Variants in GLYATL2 observed in about 807,000 individuals in gnomAD.
GLYATL2 encodes the protein glycine-N-acyltransferase like 2.
In GLYATL2, 25 loss-of-function variants were observed where a neutral mutation model predicts 21.4. The observed-to-expected ratio is 1.17, with a 90% CI of 0.85 to 1.63. GLYATL2 has a LOEUF of 1.63. Ranked by LOEUF, GLYATL2 falls within the 40% of genes most tolerant of loss-of-function variation. The pLI is 0.00. For missense variants in GLYATL2, 361 were observed against 343.3 expected, an observed-to-expected ratio of 1.05 and a Z score of -0.41; for synonymous variants, 114 against 118.2, an observed-to-expected ratio of 0.96 and a Z score of 0.23.
upstream of GLYATL2, among the ~76,000 whole-genome samples, chr11:58,848,369 C>G (rs1853680530): frequency 6.6e-6 from 1 of 152,042 alleles, no homozygotes; most frequent in Admixed American, 6.6e-5. Context: ...ACACCTGGGA[C>G]CAATCCTGGA....
chr11:58,908,493 C>T, upstream of GLYATL2: 1 of 210,588 alleles, frequency 4.7e-6, no homozygotes. Flanking sequence ...CTGAAGGGAA[C>T]AAGTCATTTA....
chr11:58,847,662 A>G (rs550569719), upstream of GLYATL2, among the ~76,000 whole-genome samples: 8 of 152,326 alleles, frequency 5.3e-5, no homozygotes, highest in South Asian at 1.7e-3. Flanking sequence ...CCTCAGCTCA[A>G]CTGCAATATA....
upstream of GLYATL2, among the ~76,000 whole-genome samples, chr11:58,845,747 A>T (rs2134582068): frequency 6.6e-6 from 1 of 152,340 alleles, no homozygotes; most frequent in East Asian, 1.9e-4. Flanking sequence ...CCCAGGTCAC[A>T]AAACTAACCA....
chr11:58,895,940 G>A (rs1482331636), intron 1 of GLYATL2, among the ~76,000 whole-genome samples: 1 of 151,176 alleles, frequency 6.6e-6, no homozygotes, highest in Non-Finnish European at 1.5e-5. Context: ...TGCAGACTCT[G>A]CCTCCCAGGT....
At chr11:58,896,332 A>T (rs1218785681) in intron 1 of GLYATL2, among the ~76,000 whole-genome samples, 1 of 152,142 alleles carries the variant, frequency 6.6e-6, no homozygotes, top group Non-Finnish European at 1.5e-5. Flanking sequence ...TGCCTCCTCA[A>T]GCTCATCTAT....
upstream of GLYATL2, chr11:58,905,755 TGGGC>T: frequency 1.2e-4 from 1 of 8,358 alleles, no homozygotes; most frequent in Admixed American, 1.3e-3. Flanking sequence ...GGTGGGCGGG[TGGGC>T]GCGCAGTCCC....
rs371449712 is a variant in GLYATL2 at position 58,839,617 on chromosome 11, T to C, written c.-5A>G. 6.4e-5 allele frequency: 103 copies of C among 1,605,540 alleles called. No homozygotes were observed. In the African/African-American group the frequency reaches 1.2e-3, roughly 18 times the overall value. On this transcript the variant is annotated 5_prime_UTR_variant, in exon 2 of 6. Transcript: ENST00000287275. ...AGAGTTATGAAGCACAAGCATCTTA[T>C]GTAGCACTTCAGCTTCTTTCCCTCA... is the stretch of plus-strand genomic sequence containing the variant.
At chr11:58,902,138 G>C (rs1328201277) in intron 1 of GLYATL2, among the ~76,000 whole-genome samples, 1 of 152,070 alleles carries the variant, frequency 6.6e-6, no homozygotes, top group Non-Finnish European at 1.5e-5. Flanking sequence ...TGGAGGCTTA[G>C]AGACCCCATT....
chr11:58,882,942 T>A (rs1854367258), intron 1 of GLYATL2, among the ~76,000 whole-genome samples: 1 of 152,226 alleles, frequency 6.6e-6, no homozygotes, highest in Non-Finnish European at 1.5e-5. Flanking sequence ...GGTGCCATGC[T>A]GTTTTGGTTA....
At chr11:58,868,096 G>A (rs893712439) in intron 1 of GLYATL2, among the ~76,000 whole-genome samples, 1 of 148,844 alleles carries the variant, frequency 6.7e-6, no homozygotes, top group African/African-American at 2.4e-5. Flanking sequence ...GGGAGAGGAA[G>A]CCATTCTCCT....
At chr11:58,844,302 C>A (rs1853604088) in intron 1 of GLYATL2, 132 bp downstream of exon 1, 1 of 152,088 alleles carries the variant, frequency 6.6e-6, no homozygotes, top group African/African-American at 2.4e-5. Flanking sequence ...AACATTGAGA[C>A]CCTGGGGAGT....
chr11:58,908,600 C>T, upstream of GLYATL2: 1 of 165,336 alleles, frequency 6.0e-6, no homozygotes. Flanking sequence ...AACCGTGGTG[C>T]CAATTCAGAT....
chr11:58,885,583 A>C (rs548118744), intron 1 of GLYATL2: 4 of 379,684 alleles, frequency 1.1e-5, no homozygotes, highest in African/African-American at 4.2e-5. Context: ...GGCAGGCCCA[A>C]AGGGCCTGAG....
chr11:58,862,674 T>C (rs1240687741), intron 1 of GLYATL2, among the ~76,000 whole-genome samples: 1 of 152,246 alleles, frequency 6.6e-6, no homozygotes, highest in African/African-American at 2.4e-5. Flanking sequence ...TTTGTTGAAC[T>C]TTCTATTTTG....
intron 1 of GLYATL2, among the ~76,000 whole-genome samples, chr11:58,884,680 G>T (rs1045666049): frequency 9.2e-5 from 14 of 152,078 alleles, no homozygotes; most frequent in African/African-American, 3.4e-4. Context: ...AGGGAGGAAG[G>T]GCATGGGGTT....
At chr11:58,883,327 T>A (rs1158051744) in intron 1 of GLYATL2, among the ~76,000 whole-genome samples, 1 of 151,920 alleles carries the variant, frequency 6.6e-6, no homozygotes, top group Non-Finnish European at 1.5e-5. Context: ...ATAGCAAGAC[T>A]AATAAAGAAG....
upstream of GLYATL2, among the ~76,000 whole-genome samples, chr11:58,909,009 C>A (rs1390791880): frequency 6.6e-6 from 1 of 152,140 alleles, no homozygotes; most frequent in African/African-American, 2.4e-5. Flanking sequence ...GGATCTGAAC[C>A]CAGGCCATCA....
In GLYATL2 at chr11:58,837,049, T is replaced by G. The variant is rs374045299; in HGVS notation, c.442A>C (p.Lys148Gln). Residue 148 changes from lysine (K) to glutamine (Q), a missense_variant, in exon 5 of 6, where the codon AAG becomes CAG. Physicochemically the swap from Lys to Gln is moderately conservative, Grantham distance 53. Transcript: ENST00000287275. ...PKKHKTSSND[K>Q]MELFEVDDDN... ...TCATCCACTTCAAATAACTCCATCT[T>G]GTCATTACTTGAGGTCTTGTGTTTC... The G allele has an allele frequency of 2.5e-5, 40 of 1,613,710 alleles. No homozygotes were observed. The highest frequency in any genetic ancestry group is 3.1e-5 in the Non-Finnish European group (36 of 1,179,798).
chr11:58,868,966 C>T (rs1457265649), intron 1 of GLYATL2, among the ~76,000 whole-genome samples: 1 of 143,094 alleles, frequency 7.0e-6, no homozygotes, highest in African/African-American at 2.5e-5. Flanking sequence ...TATGGACACT[C>T]TTGGGGAGTT....
Sources: allele counts gnomAD v4.1 joint callset (sites outside exome capture counted in the v4.1 genomes callset), GRCh38; gene constraint gnomAD v4.1.1; transcripts MANE v1.5; gene names NCBI Gene and HGNC (gene_info 2026-07-23, HGNC 2026-07-21).